SLC25A21: variants seen among roughly 807,000 people sequenced by gnomAD.
SLC25A21 encodes solute carrier family 25 member 21.
In SLC25A21, 47 loss-of-function variants were observed where a neutral mutation model predicts 43.8. That is an observed-to-expected ratio of 1.07 (90% CI 0.85 to 1.37). The LOEUF is 1.37. SLC25A21 is among the 40% of genes most tolerant of loss of function. The pLI, the probability that SLC25A21 is intolerant of heterozygous loss-of-function variation, is 0.00. For missense variants in SLC25A21, 352 were observed against 350.2 expected, an observed-to-expected ratio of 1.00 and a Z score of -0.04; for synonymous variants, 131 against 121.3, an observed-to-expected ratio of 1.08 and a Z score of -0.52.
intron 1 of SLC25A21, among the ~76,000 whole-genome samples, chr14:36,974,239 A>T (rs995661822): frequency 3.3e-5 from 5 of 152,258 alleles, no homozygotes; most frequent in African/African-American, 7.2e-5. Flanking sequence ...CTTAGATGTT[A>T]ACAGACATGC....
intron 1 of SLC25A21, among the ~76,000 whole-genome samples, chr14:36,933,196 C>T (rs1409134619): frequency 1.3e-5 from 2 of 152,120 alleles, no homozygotes; most frequent in African/African-American, 4.8e-5. Flanking sequence ...CAGGAAAGAA[C>T]TTACAAGATA....
intron 1 of SLC25A21, among the ~76,000 whole-genome samples, chr14:36,911,542 T>C (rs571231414): frequency 7.4e-4 from 113 of 152,152 alleles, no homozygotes; most frequent in Non-Finnish European, 1.3e-3. Context: ...AAGCAGAGAC[T>C]TGAAAAGCCA....
chr14:37,059,729 A>C (rs1038874672), intron 1 of SLC25A21, among the ~76,000 whole-genome samples: 32 of 152,286 alleles, frequency 2.1e-4, no homozygotes, highest in African/African-American at 7.2e-4. Context: ...GTTGACAAGG[A>C]TAAACAGGGT....
chr14:36,967,677 C>T (rs1208998406), intron 1 of SLC25A21, among the ~76,000 whole-genome samples: 2 of 152,124 alleles, frequency 1.3e-5, no homozygotes, highest in Non-Finnish European at 2.9e-5. Context: ...TAAGGATATA[C>T]AAATCAAATG....
intron 1 of SLC25A21, among the ~76,000 whole-genome samples, chr14:36,968,415 T>C (rs1354444646): frequency 2.0e-5 from 3 of 152,098 alleles, no homozygotes; most frequent in Admixed American, 1.3e-4. Flanking sequence ...GTGAATTCAA[T>C]GGTTAGAAAT....
chr14:36,867,020 T>C (rs549903764), intron 2 of SLC25A21, among the ~76,000 whole-genome samples: 76 of 152,326 alleles, frequency 5.0e-4, no homozygotes, highest in African/African-American at 1.8e-3. Context: ...TTTGTTTCAA[T>C]GAGCCAGCGC....
intron 3 of SLC25A21, among the ~76,000 whole-genome samples, chr14:36,773,799 C>G (rs1029606735): frequency 2.0e-5 from 3 of 152,182 alleles, no homozygotes; most frequent in Non-Finnish European, 4.4e-5. Context: ...AGCCAGGTCT[C>G]TATGACTCCA....
chr14:36,868,428 A>T (rs940645539), intron 2 of SLC25A21, among the ~76,000 whole-genome samples: 1 of 152,116 alleles, frequency 6.6e-6, no homozygotes, highest in Admixed American at 6.5e-5. Flanking sequence ...TTAGCTGGGG[A>T]CCCTTAGAAC....
At chr14:36,808,431 A>T (rs921644394) in intron 3 of SLC25A21, among the ~76,000 whole-genome samples, 2 of 152,170 alleles carry the variant, frequency 1.3e-5, no homozygotes, top group African/African-American at 4.8e-5. Context: ...CTAGTCTCAG[A>T]GCTTTCATAC....
At chr14:37,047,451 A>C (rs1395675938) in intron 1 of SLC25A21, among the ~76,000 whole-genome samples, 1 of 152,210 alleles carries the variant, frequency 6.6e-6, no homozygotes, top group Non-Finnish European at 1.5e-5. Context: ...AATGTAGCAA[A>C]CAGCAGACCA....
At chr14:37,131,576 T>C (rs140916996) in intron 1 of SLC25A21, among the ~76,000 whole-genome samples, 121 of 152,332 alleles carry the variant, frequency 7.9e-4, no homozygotes, top group African/African-American at 2.8e-3. Flanking sequence ...GTAACAAGTA[T>C]AAAATAATAC....
intron 1 of SLC25A21, among the ~76,000 whole-genome samples, chr14:37,152,037 AAATAAT>A (rs1043330386): frequency 6.6e-6 from 1 of 152,034 alleles, no homozygotes; most frequent in African/African-American, 2.4e-5. Flanking sequence ...CCCATCTCAA[AAATAAT>A]AATAATAATA....
intron 7 of SLC25A21, among the ~76,000 whole-genome samples, chr14:36,694,218 C>T (rs1052724817): frequency 6.6e-6 from 1 of 152,160 alleles, no homozygotes; most frequent in Non-Finnish European, 1.5e-5. Flanking sequence ...CAGCTTCAAC[C>T]ACGTCCCTGC....
chr14:36,857,101 T>C (rs1488026709), intron 2 of SLC25A21, among the ~76,000 whole-genome samples: 1 of 152,230 alleles, frequency 6.6e-6, no homozygotes, highest in Non-Finnish European at 1.5e-5. Flanking sequence ...AAGTCCTGTT[T>C]TTATTTTAAT....
At chr14:37,158,956 A>G (rs1963894411) in intron 1 of SLC25A21, among the ~76,000 whole-genome samples, 1 of 152,196 alleles carries the variant, frequency 6.6e-6, no homozygotes, top group South Asian at 2.1e-4. Flanking sequence ...TAGCCAAGAA[A>G]GAAATCAAGA....
intron 1 of SLC25A21, among the ~76,000 whole-genome samples, chr14:36,943,180 G>A (rs990044426): frequency 6.6e-6 from 1 of 152,076 alleles, no homozygotes; most frequent in East Asian, 1.9e-4. Flanking sequence ...TACATAGGGA[G>A]ATAGATTTTA....
chr14:36,748,523 A>G (rs1468360277), intron 3 of SLC25A21, among the ~76,000 whole-genome samples: 1 of 152,222 alleles, frequency 6.6e-6, no homozygotes, highest in Non-Finnish European at 1.5e-5. Flanking sequence ...GATCATTTTG[A>G]AAAATTAGTT....
chr14:37,101,563 T>A (rs1336818689), intron 1 of SLC25A21, among the ~76,000 whole-genome samples: 1 of 152,228 alleles, frequency 6.6e-6, no homozygotes, highest in South Asian at 2.1e-4. Context: ...AATATTATTT[T>A]AATTGTTAAA....
chr14:36,909,863 AT>A (rs542723116), intron 1 of SLC25A21, among the ~76,000 whole-genome samples: 1,720 of 151,716 alleles, frequency 0.011, 31 homozygotes, highest in African/African-American at 0.039. Context: ...GAATATATAG[AT>A]TTTTTTTTAA....
Sources: gnomAD v4.1 joint callset for allele counts (sites outside exome capture counted in the v4.1 genomes callset) on GRCh38, gnomAD v4.1.1 for gene constraint, MANE v1.5 for transcripts, NCBI Gene and HGNC (gene_info 2026-07-23, HGNC 2026-07-21) for gene names.